The following CYP27C1 variants were observed in gnomAD, a reference collection of about 807,000 sequenced individuals.
The protein encoded by CYP27C1 is cytochrome P450 family 27 subfamily C member 1.
In CYP27C1, 29 loss-of-function variants were observed where a neutral mutation model predicts 40.6. The ratio of observed to expected loss-of-function variants is 0.71; its 90% CI spans 0.53 to 0.97. The LOEUF (loss-of-function observed/expected upper bound fraction) is 0.97, where lower values mean the gene tolerates loss of function less well. Among genes scored for constraint, CYP27C1 ranks in the 50% least tolerant of loss-of-function variants. The pLI, the probability that CYP27C1 is intolerant of heterozygous loss-of-function variation, is 0.00. For missense variants in CYP27C1, 390 were observed against 485.8 expected (o/e 0.80, Z 1.85); for synonymous variants, 198 against 186.8 (o/e 1.06, Z -0.49).
At chr2:127,204,444 G>GAAAGAAAGA (rs1333807970) in intron 2 of CYP27C1, among the ~76,000 whole-genome samples, 695 of 23,242 alleles carry the variant, frequency 0.03, 26 homozygotes, top group East Asian at 0.16. Flanking sequence ...GAAAGAAAAA[G>GAAAGAAAGA]AAAGAAAGAA....
At chr2:127,207,438 G>T (rs1041416725) in intron 1 of CYP27C1, among the ~76,000 whole-genome samples, 6 of 152,176 alleles carry the variant, frequency 3.9e-5, no homozygotes, top group Non-Finnish European at 7.3e-5. Context: ...AGGTTGCAGT[G>T]AGCCGCAAGA....
rs1184769862 is a variant in CYP27C1, at chr2:127,219,812, A to G, written c.282+177T>C. Among the ~76,000 whole-genome samples, 1 of 142,864 alleles carries G rather than the reference A, an allele frequency of 7.0e-6. No individual in the cohort carries two copies. The highest frequency in any genetic ancestry group is 1.5e-5 in the Non-Finnish European group (1 of 65,798). The allele number at this position is 142,864 out of a possible 152,430, so 93.7% of individuals were successfully genotyped here. ...GCCCCTTCCTGCGAACCTTAACCGG[A>G]CAACCCCAGTCCAGCTCCCCCAACC... is the stretch of plus-strand genomic sequence containing the variant. On this transcript the variant is annotated intron_variant, in intron 1 of 8. Transcript: ENST00000664447. This position sits in a 1 kb window ranked among gnomAD's most constrained non-coding sequence, Gnocchi z 8.7.
At chr2:127,202,177 T>A (rs1683049546) in intron 3 of CYP27C1, among the ~76,000 whole-genome samples, 1 of 151,222 alleles carries the variant, frequency 6.6e-6, no homozygotes, top group African/African-American at 2.4e-5. Flanking sequence ...CATGCTGGAG[T>A]ACAATTGTGT....
At chr2:127,207,056 C>G (rs116001870) in intron 1 of CYP27C1, among the ~76,000 whole-genome samples, 1,557 of 152,292 alleles carry the variant, frequency 0.01, 29 homozygotes, top group African/African-American at 0.036. Flanking sequence ...ATTTACAATA[C>G]ATCAAAAAGA....
chr2:127,204,535 AAGAGAG>A (rs372686054), intron 2 of CYP27C1, among the ~76,000 whole-genome samples: 30 of 46,938 alleles, frequency 6.4e-4, no homozygotes, highest in African/African-American at 1.8e-3. Context: ...GAAAGAAAGA[AAGAGAG>A]AGAGAGAGAG....
Position 127,215,962 on chromosome 2 carries a change from C to T in CYP27C1, c.282+4027G>A, listed in dbSNP as rs1326814525. 5.3e-5 allele frequency among the ~76,000 whole-genome samples: 8 copies of T among 152,228 alleles called. 1 individual carries two copies. In the South Asian group the frequency reaches 1.7e-3, roughly 32 times the overall value. On this transcript the variant is annotated intron_variant, in intron 1 of 8. Transcript: ENST00000664447. ...TGGTAAATAAGCACATGAAAATATG[C>T]TCAACATCATCAGTCATCAGGGAGA...
At position 127,197,921 on chromosome 2, in the gene CYP27C1, G is replaced by A. The variant is rs531361126; in HGVS notation, c.1047+1455C>T. Among the ~76,000 whole-genome samples the A allele has an allele frequency of 1.8e-4, 28 of 152,070 alleles. No homozygotes were observed. In the South Asian group the frequency reaches 5.8e-3, roughly 32 times the overall value. On this transcript the variant is annotated intron_variant, in intron 5 of 8. Coordinates refer to ENST00000664447, the MANE Select transcript of CYP27C1 (RefSeq NM_001367502.1). ...AAAACCCATGTTAACTATCTAGTGT[G>A]TTCCCTCCACGCGCTGCTCTGTGTT...
At chr2:127,203,004 T>G (rs192196871) in intron 3 of CYP27C1, among the ~76,000 whole-genome samples, 84 of 152,028 alleles carry the variant, frequency 5.5e-4, no homozygotes, top group Admixed American at 5.2e-3. Context: ...CTGTCTCTAC[T>G]AAAAATACAA....
chr2:127,211,136 A>C (rs1021270197), intron 1 of CYP27C1, among the ~76,000 whole-genome samples: 2 of 152,168 alleles, frequency 1.3e-5, no homozygotes, highest in African/African-American at 4.8e-5. Flanking sequence ...AGTGCAAAAG[A>C]ACTGAAATCA....
rs1399277929 is a variant in CYP27C1, at chr2:127,190,940, TG to T, written c.1497+2153del. On this transcript the variant is annotated intron_variant, in intron 8 of 8. Coordinates refer to ENST00000664447, the MANE Select transcript of CYP27C1 (RefSeq NM_001367502.1). ...CAGCCTGGGTGACAGGGTGAGACTC[TG>T]AAAAAAAAAAAAAAAAATCATGGGC... Among the ~76,000 whole-genome samples the T allele has an allele frequency of 9.1e-3, 1,031 of 113,816 alleles. 12 individuals are homozygous for T. Among genetic ancestry groups the T allele is most frequent in the African/African-American group, 0.035 (992 of 28,090 alleles). 74.7% of individuals were successfully genotyped at this position (113,816 alleles called of 152,430 possible). A position where few individuals can be genotyped will look rare whatever the true frequency, so the allele number is the denominator to read the frequency against.
intron 1 of CYP27C1, among the ~76,000 whole-genome samples, chr2:127,211,361 GTTTTTTTGTTTTTTTTTTTTTTT>G (rs1214456117): frequency 1.9e-5 from 2 of 103,598 alleles, no homozygotes; most frequent in African/African-American, 4.0e-5. Context: ...CTAAAGCAGT[GTTTTTTTGTTTTTTTTTTTTTTT>G]TTTTTTTTTT....
chr2:127,217,354 G>A (rs762462662), intron 1 of CYP27C1, among the ~76,000 whole-genome samples: 42 of 152,202 alleles, frequency 2.8e-4, no homozygotes, highest in Non-Finnish European at 8.8e-5. Context: ...TAAGTTTCAC[G>A]TAAGACTTGA....
chr2:127,196,998 A>G lies in CYP27C1; in HGVS notation c.1048-1497T>C, dbSNP rs1682919039. On this transcript the variant is annotated intron_variant, in intron 5 of 8. Transcript: ENST00000664447. The surrounding 1 kb of genome is among the most constrained non-coding windows in gnomAD (Gnocchi z 4.5). Reference sequence around the variant, plus strand: ...GTTATACCGCAATAAAATCATACTAATTTTTAAAAATCAGTATGAAGTTGT... The same window carrying G: ...GTTATACCGCAATAAAATCATACTAGTTTTTAAAAATCAGTATGAAGTTGT... Among the ~76,000 whole-genome samples, 3 of 152,216 alleles carry G rather than the reference A, an allele frequency of 2.0e-5. No individual in the cohort carries two copies. The highest frequency in any genetic ancestry group is 2.9e-5 in the Non-Finnish European group (2 of 68,044).
intron 3 of CYP27C1, among the ~76,000 whole-genome samples, chr2:127,202,957 AG>A (rs1322479487): frequency 6.6e-6 from 1 of 152,112 alleles, no homozygotes; most frequent in Non-Finnish European, 1.5e-5. Context: ...TCACGAGGTC[AG>A]GAGTTCGAGA....
Position 127,219,112 on chromosome 2 carries a change from C to G in CYP27C1, c.282+877G>C, listed in dbSNP as rs1267800797. Among the ~76,000 whole-genome samples the G allele has an allele frequency of 6.6e-6, 1 of 152,162 alleles. No homozygotes were observed. The highest frequency in any genetic ancestry group is 3.2e-3 in the Middle Eastern group (1 of 316). On this transcript the variant is annotated intron_variant, in intron 1 of 8. Coordinates refer to ENST00000664447, the MANE Select transcript of CYP27C1 (RefSeq NM_001367502.1). The surrounding 1 kb of genome is among the most constrained non-coding windows in gnomAD (Gnocchi z 8.7). ...CCCCGAGCCTCCGAGCCTCCGTCCC[C>G]TCTTCCCCCGCCATTACAAAATACA...
intron 8 of CYP27C1, among the ~76,000 whole-genome samples, chr2:127,192,621 G>T (rs898577003): frequency 6.6e-5 from 1 of 15,094 alleles, no homozygotes; most frequent in African/African-American, 2.1e-4. Context: ...GCCTTTCCCG[G>T]GGGGGGGGGC....
At chr2:127,204,448 G>GAAAGA (rs769927675) in intron 2 of CYP27C1, among the ~76,000 whole-genome samples, 899 of 31,034 alleles carry the variant, frequency 0.029, 46 homozygotes, top group East Asian at 0.17. Flanking sequence ...GAAAAAGAAA[G>GAAAGA]AAAGAAAGAA....
intron 8 of CYP27C1, among the ~76,000 whole-genome samples, chr2:127,191,558 C>G (rs1015991792): frequency 3.9e-5 from 6 of 152,204 alleles, no homozygotes; most frequent in Non-Finnish European, 4.4e-5. Context: ...ACACTCCCCA[C>G]AGCAGACTTA....
intron 2 of CYP27C1, among the ~76,000 whole-genome samples, chr2:127,205,345 G>T (rs377149468): frequency 6.6e-6 from 1 of 152,178 alleles, no homozygotes; most frequent in South Asian, 2.1e-4. Context: ...CACCCCATGG[G>T]GATTTGGACC....
Sources: gnomAD v4.1 joint callset for allele counts (sites outside exome capture counted in the v4.1 genomes callset) on GRCh38, gnomAD v4.1.1 for gene constraint, Gnocchi (gnomAD v3.1) non-coding constraint, MANE v1.5 for transcripts, NCBI Gene and HGNC (gene_info 2026-07-23, HGNC 2026-07-21) for gene names.